CSMD1: variants seen among roughly 807,000 people sequenced by gnomAD.
CSMD1 encodes the protein CUB and Sushi multiple domains 1.
In CSMD1, 213 loss-of-function variants were observed where a neutral mutation model predicts 417.5. The observed-to-expected ratio is 0.51, with a 90% CI of 0.46 to 0.57. The LOEUF (loss-of-function observed/expected upper bound fraction) is 0.57. Ranked by LOEUF, CSMD1 falls within the 20% of genes least tolerant of loss-of-function variation. CSMD1 has a pLI of 0.00. For missense variants in CSMD1, 6,923 were observed against 4,529.7 expected (o/e 1.53, Z -15.17); for synonymous variants, 2,862 against 1,736.8 (o/e 1.65, Z -16.11).
intron 4 of CSMD1, among the ~76,000 whole-genome samples, chr8:4,030,028 C>T (rs1191020305): frequency 6.6e-6 from 1 of 152,164 alleles, no homozygotes; most frequent in Non-Finnish European, 1.5e-5. Context: ...AGGTGAGCTC[C>T]AACAGTCTTG....
At chr8:3,041,705 G>GA (rs1563270091) in intron 50 of CSMD1, among the ~76,000 whole-genome samples, 1 of 152,184 alleles carries the variant, frequency 6.6e-6, no homozygotes, top group Non-Finnish European at 1.5e-5. Context: ...ACTGTTAAAT[G>GA]AAAGATGAGG....
chr8:4,597,351 C>T (rs770866394), intron 2 of CSMD1, among the ~76,000 whole-genome samples: 1 of 152,136 alleles, frequency 6.6e-6, no homozygotes, highest in Non-Finnish European at 1.5e-5. Flanking sequence ...ATGGCACTCT[C>T]ATTTCACAGA....
intron 5 of CSMD1, among the ~76,000 whole-genome samples, chr8:3,842,918 G>A (rs774223443): frequency 3.3e-5 from 5 of 152,154 alleles, no homozygotes; most frequent in Non-Finnish European, 5.9e-5. Context: ...TTTTAAAAAC[G>A]CACTGAAGAT....
intron 8 of CSMD1, among the ~76,000 whole-genome samples, chr8:3,595,888 G>T (rs1013102716): frequency 6.6e-6 from 1 of 152,198 alleles, no homozygotes; most frequent in Non-Finnish European, 1.5e-5. Context: ...ATGCAGCCAG[G>T]ACTGTGGGGA....
intron 2 of CSMD1, among the ~76,000 whole-genome samples, chr8:4,422,800 A>G (rs1249388380): frequency 1.3e-5 from 2 of 152,152 alleles, no homozygotes; most frequent in Non-Finnish European, 2.9e-5. Flanking sequence ...AAGAGAAAAT[A>G]GAAATAGGCA....
intron 5 of CSMD1, among the ~76,000 whole-genome samples, chr8:3,967,475 T>C (rs13265875): frequency 6.8e-6 from 1 of 146,212 alleles, no homozygotes; most frequent in Non-Finnish European, 1.5e-5. Context: ...AAAAAACAGA[T>C]GGAAAGTTGT....
rs11414439 is a variant in CSMD1 at position 3,235,916 on chromosome 8, G to GTTTTTTTTTTTT, written c.4154-5697_4154-5686dup. ...TTATGCCAGTTATATGAAGATGTAA[G>GTTTTTTTTTTTT]TTTTTTTTTTTTTTTTTTTGAGACA... On this transcript the variant is annotated intron_variant, in intron 26 of 69. Coordinates refer to ENST00000635120, the MANE Select transcript of CSMD1 (RefSeq NM_033225.6). 6.1e-3 allele frequency among the ~76,000 whole-genome samples: 723 copies of GTTTTTTTTTTTT among 119,268 alleles called. 38 individuals carry two copies. The highest frequency in any genetic ancestry group is 0.056 in the East Asian group (214 of 3,820). The allele number at this position is 119,268 out of a possible 152,430, so 78.2% of individuals were successfully genotyped here.
intron 15 of CSMD1, among the ~76,000 whole-genome samples, chr8:3,402,622 G>C (rs543076398): frequency 6.6e-6 from 1 of 152,234 alleles, no homozygotes; most frequent in African/African-American, 2.4e-5. Flanking sequence ...TCTATTGTGA[G>C]CTTTTCACTG....
intron 1 of CSMD1, among the ~76,000 whole-genome samples, chr8:4,844,652 A>T (rs1443420246): frequency 1.3e-5 from 2 of 152,184 alleles, no homozygotes; most frequent in African/African-American, 4.8e-5. Flanking sequence ...AAAAAATATA[A>T]TTTTTTAGGA....
At chr8:4,578,308 G>A (rs1799236424) in intron 2 of CSMD1, among the ~76,000 whole-genome samples, 1 of 144,268 alleles carries the variant, frequency 6.9e-6, no homozygotes, top group Non-Finnish European at 1.5e-5. Context: ...TGGGATTACA[G>A]GCACCTGCCA....
chr8:4,095,731 G>C (rs181769536), intron 3 of CSMD1, among the ~76,000 whole-genome samples: 5 of 152,272 alleles, frequency 3.3e-5, no homozygotes, highest in South Asian at 2.1e-4. Context: ...ATTTGTTCAA[G>C]TCACGTAGTT....
At chr8:4,180,184 C>T (rs1241665876) in intron 3 of CSMD1, among the ~76,000 whole-genome samples, 2 of 151,972 alleles carry the variant, frequency 1.3e-5, no homozygotes, top group Non-Finnish European at 2.9e-5. Flanking sequence ...ACCCAAATGT[C>T]CAACAATGAT....
At chr8:4,389,516 A>G (rs749279011) in intron 3 of CSMD1, among the ~76,000 whole-genome samples, 16 of 152,178 alleles carry the variant, frequency 1.1e-4, no homozygotes, top group Admixed American at 5.2e-4. Context: ...AGGATAATAT[A>G]TCAGTCATAT....
intron 1 of CSMD1, among the ~76,000 whole-genome samples, chr8:4,936,658 G>A (rs191188609): frequency 8.5e-5 from 13 of 152,192 alleles, no homozygotes; most frequent in African/African-American, 3.1e-4. Flanking sequence ...AGCTAGTTAT[G>A]GACATTATTA....
rs149867718 is a variant in CSMD1 at position 4,584,702 on chromosome 8, C to A, written c.302+52640G>T. ...AGCATGTCGCCCAAGCCAGACTTGCCCATCTATCCTATCTATCCTGACCCT... is the reference window on the plus strand; with the variant it reads ...AGCATGTCGCCCAAGCCAGACTTGCACATCTATCCTATCTATCCTGACCCT... On this transcript the variant is annotated intron_variant, in intron 2 of 69. Coordinates refer to ENST00000635120, the MANE Select transcript of CSMD1 (RefSeq NM_033225.6). Among the ~76,000 whole-genome samples, 1,166 of 152,218 alleles carry A rather than the reference C, an allele frequency of 7.7e-3. 22 individuals are homozygous for A. Among genetic ancestry groups the A allele is most frequent in the African/African-American group, 0.026 (1,100 of 41,528 alleles).
At chr8:3,748,290 T>G (rs933178407) in intron 6 of CSMD1, among the ~76,000 whole-genome samples, 1 of 152,210 alleles carries the variant, frequency 6.6e-6, no homozygotes, top group African/African-American at 2.4e-5. Context: ...AAGAATTATT[T>G]AAAGGTTATA....
At chr8:3,973,067 A>T (rs1333572439) in intron 5 of CSMD1, among the ~76,000 whole-genome samples, 1 of 152,228 alleles carries the variant, frequency 6.6e-6, no homozygotes, top group African/African-American at 2.4e-5. Flanking sequence ...TTTGATAACA[A>T]ATGTTTGTTT....
intron 1 of CSMD1, among the ~76,000 whole-genome samples, chr8:4,932,172 G>C (rs538323024): frequency 2.0e-5 from 3 of 152,098 alleles, no homozygotes; most frequent in Admixed American, 6.6e-5. Context: ...AATAGAGATA[G>C]CTTTGCTATA....
At chr8:4,681,193 T>G (rs186293286) in intron 1 of CSMD1, among the ~76,000 whole-genome samples, 2 of 152,298 alleles carry the variant, frequency 1.3e-5, no homozygotes, top group East Asian at 3.9e-4. Context: ...TTTTGGCAAT[T>G]GCATTTTCTG....
Sources: allele counts gnomAD v4.1 joint callset (sites outside exome capture counted in the v4.1 genomes callset), GRCh38; gene constraint gnomAD v4.1.1; transcripts MANE v1.5; gene names NCBI Gene and HGNC (gene_info 2026-07-23, HGNC 2026-07-21).